Variants in RGS20 observed in about 807,000 individuals in gnomAD.
RGS20 encodes regulator of G protein signaling 20, also known as gz-selective GTPase-activating protein.
In RGS20, 30 loss-of-function variants were observed where a neutral mutation model predicts 33.6. The observed-to-expected ratio is 0.89, with a 90% CI of 0.67 to 1.21. The LOEUF (loss-of-function observed/expected upper bound fraction) is 1.21. Among genes scored for constraint, RGS20 ranks in the 50% most tolerant of loss-of-function variants. The probability of loss-of-function intolerance (pLI) is 0.00; values close to 1 mark genes in which losing one functional copy is unlikely to be tolerated. For missense variants in RGS20, 472 were observed against 502.4 expected (o/e 0.94, Z 0.58); for synonymous variants, 208 against 197.9 (o/e 1.05, Z -0.43).
chr8:53,923,271 A>G (rs1222871760), intron 2 of RGS20, among the ~76,000 whole-genome samples: 4 of 152,116 alleles, frequency 2.6e-5, no homozygotes, highest in Non-Finnish European at 5.9e-5. Context: ...AAGAAACAAG[A>G]GCAGAAATAT....
intron 2 of RGS20, among the ~76,000 whole-genome samples, chr8:53,931,713 T>A (rs900689328): frequency 2.0e-5 from 3 of 152,084 alleles, no homozygotes; most frequent in South Asian, 2.1e-4. Flanking sequence ...GCTAATCTCA[T>A]TGGGACTGGT....
chr8:53,874,367 G>GGTGTGTGTGTGT (rs138636662), intron 1 of RGS20, among the ~76,000 whole-genome samples: 2 of 146,484 alleles, frequency 1.4e-5, no homozygotes, highest in African/African-American at 5.0e-5. Flanking sequence ...AGCAATAAGG[G>GGTGTGTGTGTGT]GTGTGTGTGT....
chr8:53,874,242 T>G (rs920800884), intron 1 of RGS20, among the ~76,000 whole-genome samples: 1 of 152,134 alleles, frequency 6.6e-6, no homozygotes. Flanking sequence ...ATAACTGTTT[T>G]GAAGGATAAC....
intron 2 of RGS20, among the ~76,000 whole-genome samples, chr8:53,897,163 A>G (rs1009070098): frequency 1.3e-5 from 2 of 152,220 alleles, no homozygotes; most frequent in Non-Finnish European, 2.9e-5. Context: ...CTTAATTTGC[A>G]TGTACGTTGA....
chr8:53,875,902 C>T (rs1418025064), intron 1 of RGS20, among the ~76,000 whole-genome samples: 1 of 152,140 alleles, frequency 6.6e-6, no homozygotes, highest in Non-Finnish European at 1.5e-5. Flanking sequence ...TAACCTGTGA[C>T]TCTAATAGCC....
At chr8:53,866,435 GGC>G (rs1744176930) in intron 1 of RGS20, among the ~76,000 whole-genome samples, 5 of 151,538 alleles carry the variant, frequency 3.3e-5, no homozygotes, top group Admixed American at 1.3e-4. Context: ...AGAGTGCAGT[GGC>G]ACAATCTCGG....
At chr8:53,885,107 C>T (rs1812503015) in intron 2 of RGS20, among the ~76,000 whole-genome samples, 1 of 152,176 alleles carries the variant, frequency 6.6e-6, no homozygotes, top group South Asian at 2.1e-4. Context: ...TTTTATTATT[C>T]TAGATTTTAT....
chr8:53,900,238 C>T (rs1358747828), intron 2 of RGS20, among the ~76,000 whole-genome samples: 2 of 152,126 alleles, frequency 1.3e-5, no homozygotes, highest in Non-Finnish European at 2.9e-5. Context: ...AACCCCTGGG[C>T]TCAAACGATC....
intron 2 of RGS20, among the ~76,000 whole-genome samples, chr8:53,902,131 C>T (rs1279864587): frequency 6.6e-6 from 1 of 152,158 alleles, no homozygotes; most frequent in African/African-American, 2.4e-5. Flanking sequence ...AATTCTCCCA[C>T]CTAAGCCTCC....
In RGS20 at chr8:53,889,850, G is replaced by T. The variant is rs118172090; in HGVS notation, c.510+10248G>T. Among the ~76,000 whole-genome samples the T allele has an allele frequency of 2.2e-3, 339 of 151,922 alleles. 8 individuals are homozygous for T. The East Asian group carries it at 0.056, about 25-fold the overall frequency. ...TTCCTAGTTTCTGTTGGAAAGTTAT[G>T]CTTCTTTGAAGGTAGCCTGTTGTTA... On this transcript the variant is annotated intron_variant, in intron 2 of 5. Transcript: ENST00000297313.
At chr8:53,940,108 A>G (rs1814247055) in intron 3 of RGS20, among the ~76,000 whole-genome samples, 1 of 152,204 alleles carries the variant, frequency 6.6e-6, no homozygotes, top group South Asian at 2.1e-4. Context: ...GATGAAGTAG[A>G]GGGAGCCTGG....
intron 1 of RGS20, among the ~76,000 whole-genome samples, chr8:53,869,042 C>T (rs1377418993): frequency 2.0e-5 from 3 of 152,116 alleles, no homozygotes; most frequent in Non-Finnish European, 4.4e-5. Flanking sequence ...CATGAGCCAC[C>T]GCGCCTGGAA....
rs1233886140 is a variant in RGS20 at position 53,935,969 on chromosome 8, A to G, written c.511-3607A>G. Among the ~76,000 whole-genome samples, 6 of 152,230 alleles carry G rather than the reference A, an allele frequency of 3.9e-5. No homozygotes were observed. In the East Asian group the frequency reaches 1.2e-3, roughly 29 times the overall value. ...ATATGCAAATCAATAAACATAATCC[A>G]TCACATAAACAGAACCAATGACGAA... On this transcript the variant is annotated intron_variant, in intron 2 of 5. Transcript: ENST00000297313.
chr8:53,868,718 AAAC>A (rs1417802278), intron 1 of RGS20, among the ~76,000 whole-genome samples: 1 of 152,090 alleles, frequency 6.6e-6, no homozygotes, highest in African/African-American at 2.4e-5. Context: ...TTAAAATTGT[AAAC>A]CTCCATGATA....
intron 2 of RGS20, among the ~76,000 whole-genome samples, chr8:53,890,102 G>A (rs181560020): frequency 2.0e-5 from 3 of 152,030 alleles, no homozygotes; most frequent in African/African-American, 4.8e-5. Flanking sequence ...TCACAGATAT[G>A]TTGGCCTTTT....
intron 5 of RGS20, among the ~76,000 whole-genome samples, chr8:53,955,725 G>A (rs977701817): frequency 1.3e-5 from 2 of 152,158 alleles, no homozygotes; most frequent in Admixed American, 1.3e-4. Flanking sequence ...CAGCTACTCA[G>A]GAGACTGAGG....
intron 2 of RGS20, among the ~76,000 whole-genome samples, chr8:53,889,109 A>G (rs903801577): frequency 6.2e-4 from 95 of 152,234 alleles, no homozygotes; most frequent in Non-Finnish European, 4.3e-4. Flanking sequence ...GTTTAGCTTT[A>G]GTAGATACTG....
intron 2 of RGS20, among the ~76,000 whole-genome samples, chr8:53,898,735 T>G (rs1812933636): frequency 6.6e-6 from 1 of 152,242 alleles, no homozygotes; most frequent in African/African-American, 2.4e-5. Flanking sequence ...TTAAGCCAGA[T>G]GCATTTCTGT....
In RGS20 at chr8:53,946,690, C is replaced by T. The variant is rs1814490264; in HGVS notation, c.685C>T (p.Gln229Ter). 6.2e-7 allele frequency: 1 copy of T among 1,612,824 alleles called. No individual in the cohort carries two copies. Among genetic ancestry groups the T allele is most frequent in the Non-Finnish European group, 8.5e-7 (1 of 1,179,506 alleles). ...TCTCACTGTTAGAAACCAGGAAGATCAGAGGCCCACAATAGCTTCCCACGA... is the reference window on the plus strand; with the variant it reads ...TCTCACTGTTAGAAACCAGGAAGATTAGAGGCCCACAATAGCTTCCCACGA... Residue 229 changes from glutamine to a stop codon, truncating the protein, a stop_gained, in exon 4 of 6, where the codon CAG becomes TAG. Coordinates refer to ENST00000297313, the MANE Select transcript of RGS20 (RefSeq NM_170587.4). LOFTEE classifies it high-confidence loss of function.
Sources: gnomAD v4.1 joint callset for allele counts (sites outside exome capture counted in the v4.1 genomes callset) on GRCh38, gnomAD v4.1.1 for gene constraint, MANE v1.5 for transcripts, NCBI Gene and HGNC (gene_info 2026-07-23, HGNC 2026-07-21) for gene names.